CTNNA3: variants seen among roughly 807,000 people sequenced by gnomAD.
The protein encoded by CTNNA3 is catenin alpha-3.
Under a neutral mutation model 95.7 loss-of-function variants are expected in CTNNA3, and 76 were observed. The observed-to-expected ratio is 0.79, with a 90% CI of 0.66 to 0.96. The LOEUF is 0.96. Ranked by LOEUF, CTNNA3 falls within the 40% of genes least tolerant of loss-of-function variation. The pLI, the probability that CTNNA3 is intolerant of heterozygous loss-of-function variation, is 0.00. For missense variants in CTNNA3, 1,191 were observed against 1,089.8 expected, an observed-to-expected ratio of 1.09 and a Z score of -1.31; for synonymous variants, 431 against 374.4, an observed-to-expected ratio of 1.15 and a Z score of -1.74.
chr10:66,972,110 C>A (rs1312802334), intron 7 of CTNNA3, among the ~76,000 whole-genome samples: 1 of 152,162 alleles, frequency 6.6e-6, no homozygotes, highest in African/African-American at 2.4e-5. Context: ...GTTGCCATAG[C>A]ACACCTACTC....
intron 13 of CTNNA3, among the ~76,000 whole-genome samples, chr10:66,251,021 T>C (rs139644543): frequency 1.3e-5 from 2 of 152,270 alleles, no homozygotes; most frequent in South Asian, 2.1e-4. Context: ...TTCCAGATGA[T>C]TGACTGAATG....
At chr10:66,124,703 G>A (rs555727858) in intron 13 of CTNNA3, among the ~76,000 whole-genome samples, 64 of 152,292 alleles carry the variant, frequency 4.2e-4, no homozygotes, top group African/African-American at 1.1e-3. Context: ...GCAAGGAAGA[G>A]CACGTCACAT....
chr10:67,010,742 C>G (rs1005700619), intron 7 of CTNNA3, among the ~76,000 whole-genome samples: 1 of 152,192 alleles, frequency 6.6e-6, no homozygotes, highest in African/African-American at 2.4e-5. Context: ...AGCCAACCAA[C>G]AATGTTTGCC....
At chr10:66,597,546 A>G (rs1181893900) in intron 10 of CTNNA3, among the ~76,000 whole-genome samples, 1 of 125,296 alleles carries the variant, frequency 8.0e-6, no homozygotes, top group African/African-American at 3.0e-5. Context: ...ATATATATAT[A>G]TATATATATT....
At chr10:67,700,223 A>C (rs750299061), upstream of CTNNA3, among the ~76,000 whole-genome samples, 2 of 152,244 alleles carry the variant, frequency 1.3e-5, no homozygotes, top group Non-Finnish European at 2.9e-5. Flanking sequence ...AGACAGCAGT[A>C]ACCTCTGCAG....
chr10:67,029,595 T>G (rs555427310), intron 7 of CTNNA3, among the ~76,000 whole-genome samples: 2 of 152,342 alleles, frequency 1.3e-5, no homozygotes, highest in Non-Finnish European at 2.9e-5. Flanking sequence ...TATTTAAAAC[T>G]TACGTAGGTT....
chr10:66,938,040 AT>A (rs1847806250), intron 7 of CTNNA3, among the ~76,000 whole-genome samples: 1 of 152,084 alleles, frequency 6.6e-6, no homozygotes, highest in African/African-American at 2.4e-5. Flanking sequence ...TGCATGATAG[AT>A]GTTGTTGAAT....
intron 17 of CTNNA3, among the ~76,000 whole-genome samples, chr10:65,943,522 C>T (rs940068210): frequency 1.3e-5 from 2 of 152,150 alleles, no homozygotes; most frequent in South Asian, 4.1e-4. Flanking sequence ...CAAACCTATT[C>T]GCTGCATGCA....
At chr10:66,143,051 A>C (rs2133884184) in intron 13 of CTNNA3, among the ~76,000 whole-genome samples, 1 of 152,196 alleles carries the variant, frequency 6.6e-6, no homozygotes, top group Non-Finnish European at 1.5e-5. Context: ...TACTTTATGT[A>C]TTTTATTGGA....
chr10:66,437,547 A>T (rs1294646949), intron 11 of CTNNA3, among the ~76,000 whole-genome samples: 1 of 151,944 alleles, frequency 6.6e-6, no homozygotes, highest in Non-Finnish European at 1.5e-5. Flanking sequence ...CAGGTCATTT[A>T]TGTTCTTCTC....
At chr10:66,548,623 C>G (rs1475427083) in intron 10 of CTNNA3, among the ~76,000 whole-genome samples, 1 of 151,992 alleles carries the variant, frequency 6.6e-6, no homozygotes, top group East Asian at 1.9e-4. Context: ...GGCTAAAATT[C>G]TGATTTTGTC....
intron 6 of CTNNA3, among the ~76,000 whole-genome samples, chr10:67,194,569 A>G (rs902843194): frequency 4.0e-5 from 6 of 151,056 alleles, no homozygotes; most frequent in African/African-American, 1.4e-4. Flanking sequence ...GCAAGGAGGG[A>G]TGGAGGAACA....
At chr10:66,245,992 C>A (rs1286612541) in intron 13 of CTNNA3, among the ~76,000 whole-genome samples, 1 of 152,208 alleles carries the variant, frequency 6.6e-6, no homozygotes, top group African/African-American at 2.4e-5. Flanking sequence ...CCAGAAAAGG[C>A]ACCACAAGTT....
chr10:67,278,565 C>T (rs1324032315), intron 5 of CTNNA3, among the ~76,000 whole-genome samples: 2 of 152,118 alleles, frequency 1.3e-5, no homozygotes, highest in Non-Finnish European at 2.9e-5. Context: ...TTGTGGAGAC[C>T]AAGTTTTATT....
At chr10:66,805,511 A>T (rs567697239) in intron 7 of CTNNA3, among the ~76,000 whole-genome samples, 103 of 146,480 alleles carry the variant, frequency 7.0e-4, no homozygotes, top group African/African-American at 2.5e-3. Flanking sequence ...ATTTATACAT[A>T]TATATATATA....
chr10:66,943,077 GGCT>G (rs1189764240), intron 7 of CTNNA3, among the ~76,000 whole-genome samples: 2 of 152,152 alleles, frequency 1.3e-5, no homozygotes, highest in Non-Finnish European at 2.9e-5. Context: ...TTAATTGACT[GGCT>G]TTGGAAATTT....
At chr10:65,954,551 C>A (rs369790041) in intron 17 of CTNNA3, among the ~76,000 whole-genome samples, 41 of 151,978 alleles carry the variant, frequency 2.7e-4, no homozygotes, top group Admixed American at 6.6e-4. Flanking sequence ...TCCATCTTGA[C>A]TTAATTTTTG....
intron 12 of CTNNA3, among the ~76,000 whole-genome samples, chr10:66,282,294 T>C (rs190751273): frequency 6.6e-6 from 1 of 151,940 alleles, no homozygotes; most frequent in East Asian, 1.9e-4. Flanking sequence ...AAAGTATATC[T>C]CTAATCTAGA....
chr10:67,111,957 G>A (rs1290862012), intron 7 of CTNNA3, among the ~76,000 whole-genome samples: 1 of 152,020 alleles, frequency 6.6e-6, no homozygotes, highest in Non-Finnish European at 1.5e-5. Context: ...AACAAATTAT[G>A]TACAAGTCAC....
Sources: allele counts gnomAD v4.1 joint callset (sites outside exome capture counted in the v4.1 genomes callset), GRCh38; gene constraint gnomAD v4.1.1; transcripts MANE v1.5; gene names NCBI Gene and HGNC (gene_info 2026-07-23, HGNC 2026-07-21).